LRRFIP2: variants seen among roughly 807,000 people sequenced by gnomAD.
The protein encoded by LRRFIP2 is LRR binding FLII interacting protein 2, also known as leucine-rich repeat flightless-interacting protein 2.
A neutral mutation model predicts 125.9 loss-of-function variants in LRRFIP2; 109 were observed. The observed-to-expected ratio is 0.87, with a 90% CI of 0.74 to 1.01. The LOEUF (loss-of-function observed/expected upper bound fraction) is 1.01. Ranked by LOEUF, LRRFIP2 falls within the 50% of genes least tolerant of loss-of-function variation. LRRFIP2 has a pLI of 0.00. For synonymous variants in LRRFIP2, 291 were observed against 293.1 expected (o/e 0.99, Z 0.07); for missense variants, 850 against 862.3 (o/e 0.99, Z 0.18).
intron 1 of LRRFIP2, among the ~76,000 whole-genome samples, chr3:37,156,673 CAAAAAAAAAAAAAAAAAAA>C (rs59647339): frequency 3.3e-5 from 1 of 30,566 alleles, no homozygotes; most frequent in Non-Finnish European, 4.9e-5. Flanking sequence ...GACTCAGTAT[CAAAAAAAAAAAAAAAAAAA>C]AAAAAAAAAA....
At chr3:37,136,965 T>C (rs9829754) in intron 2 of LRRFIP2, among the ~76,000 whole-genome samples, 1 of 2,978 alleles carries the variant, frequency 3.4e-4, no homozygotes, top group Non-Finnish European at 8.3e-4. Flanking sequence ...TTGGGGGGGG[T>C]GGGGGGGTGG....
At chr3:37,159,608 G>C (rs1397133115) in intron 1 of LRRFIP2, among the ~76,000 whole-genome samples, 2 of 151,986 alleles carry the variant, frequency 1.3e-5, no homozygotes, top group African/African-American at 4.8e-5. Flanking sequence ...CCTGACTCAA[G>C]CAATTCTCCT....
chr3:37,064,162 C>CA, intron 23 of LRRFIP2: 1 of 194,960 alleles, frequency 5.1e-6, no homozygotes. Context: ...CGGGAGAGAT[C>CA]CAAATATGTG....
chr3:37,058,934 C>G (rs1008659979), intron 24 of LRRFIP2, 24 bp from the exon 25 acceptor site: 3 of 1,612,396 alleles, frequency 1.9e-6, no homozygotes, highest in African/African-American at 1.3e-5. Flanking sequence ...AAAGGTTCAT[C>G]AGCAAGATCC....
At position 37,112,971 on chromosome 3, in the gene LRRFIP2, A is replaced by G; in HGVS notation, c.382T>C (p.Tyr128His). Residue 128 changes from tyrosine (Y) to histidine (H), a missense_variant, in exon 8 of 28, where the codon TAC becomes CAC. Physicochemically the swap from Tyr to His is moderately conservative, Grantham distance 83. Coordinates refer to ENST00000336686, the MANE Select transcript of LRRFIP2 (RefSeq NM_006309.4). ...TTCTTCATTCCATGAGAGTGACTGT[A>G]AGAATGATTCTGGAAGTAAATATTC... ...SSRLSSLNHS[Y>H]SHSHGMKKRS... The G allele has an allele frequency of 6.4e-7, 1 of 1,572,206 alleles. No individual in the cohort carries two copies. The highest frequency in any genetic ancestry group is 8.7e-7 in the Non-Finnish European group (1 of 1,147,732).
chr3:37,089,925 G>T (rs1330469829), intron 18 of LRRFIP2, among the ~76,000 whole-genome samples: 4 of 152,198 alleles, frequency 2.6e-5, no homozygotes, highest in Admixed American at 2.6e-4. Flanking sequence ...TAATTCTTCT[G>T]ATATTTACTG....
intron 24 of LRRFIP2, among the ~76,000 whole-genome samples, chr3:37,062,611 G>A (rs571839503): frequency 6.6e-6 from 1 of 152,234 alleles, no homozygotes; most frequent in East Asian, 1.9e-4. Context: ...AATCAGAAAA[G>A]ATCAGAACTC....
intron 1 of LRRFIP2, chr3:37,170,401 A>C (rs913829611): frequency 6.6e-6 from 1 of 152,256 alleles, no homozygotes; most frequent in Non-Finnish European, 1.5e-5. Flanking sequence ...TCATTCACTA[A>C]GTATAAACAA....
chr3:37,174,480 C>G (rs2096629217), intron 1 of LRRFIP2, 59 bp downstream of exon 1: 1 of 152,108 alleles, frequency 6.6e-6, no homozygotes, highest in South Asian at 2.1e-4. Flanking sequence ...ATGGGTGATG[C>G]TTTCCACTCA....
chr3:37,162,155 C>CAAAAAAAAA (rs71091697), intron 1 of LRRFIP2, among the ~76,000 whole-genome samples: 5 of 74,006 alleles, frequency 6.8e-5, no homozygotes, highest in East Asian at 4.4e-4. Context: ...GACCCTGTCT[C>CAAAAAAAAA]AAAAAAAAAA....
chr3:37,167,197 C>CA (rs570958652), intron 1 of LRRFIP2, among the ~76,000 whole-genome samples: 123 of 50,796 alleles, frequency 2.4e-3, no homozygotes, highest in East Asian at 0.011. Context: ...ATCTTGTCTC[C>CA]AAAAAAAAAA....
chr3:37,161,931 C>A (rs1042775471), intron 1 of LRRFIP2, among the ~76,000 whole-genome samples: 2 of 150,970 alleles, frequency 1.3e-5, no homozygotes, highest in Admixed American at 6.6e-5. Context: ...GTCTGTAATC[C>A]CAACATTTTG....
At chr3:37,108,776 G>C (rs1434117750) in intron 11 of LRRFIP2, 92 bp from the exon 12 acceptor site, 4 of 1,056,814 alleles carry the variant, frequency 3.8e-6, no homozygotes, top group Non-Finnish European at 5.8e-6. Flanking sequence ...TACCAAAAAA[G>C]TTTTGGAGAA....
At chr3:37,153,600 C>T (rs978399061) in intron 1 of LRRFIP2, among the ~76,000 whole-genome samples, 1 of 152,104 alleles carries the variant, frequency 6.6e-6, no homozygotes, top group African/African-American at 2.4e-5. Context: ...ACTAACAATG[C>T]CTATGCCTTA....
intron 2 of LRRFIP2, among the ~76,000 whole-genome samples, chr3:37,138,323 CCAAT>C (rs2095608565): frequency 6.6e-6 from 1 of 152,138 alleles, no homozygotes; most frequent in Non-Finnish European, 1.5e-5. Flanking sequence ...TCATGTGAGG[CCAAT>C]CAATCGTATT....
chr3:37,140,644 T>C (rs140902089), intron 2 of LRRFIP2, among the ~76,000 whole-genome samples: 3 of 149,874 alleles, frequency 2.0e-5, no homozygotes, highest in Admixed American at 1.3e-4. Context: ...CAGAATGAGA[T>C]TCTGTCTCCA....
chr3:37,098,459 C>T (rs1280511910), intron 15 of LRRFIP2, among the ~76,000 whole-genome samples: 1 of 151,212 alleles, frequency 6.6e-6, no homozygotes, highest in East Asian at 1.9e-4. Context: ...GCGATCTTGG[C>T]TCACTGCACC....
At chr3:37,122,375 C>T (rs2095093754) in intron 4 of LRRFIP2, among the ~76,000 whole-genome samples, 1 of 151,902 alleles carries the variant, frequency 6.6e-6, no homozygotes, top group African/African-American at 2.4e-5. Flanking sequence ...GTATGTCAGA[C>T]CACTTGGAAT....
intron 4 of LRRFIP2, among the ~76,000 whole-genome samples, chr3:37,122,186 C>T (rs746254034): frequency 1.1e-4 from 16 of 150,424 alleles, no homozygotes; most frequent in African/African-American, 2.4e-4. Flanking sequence ...TTTGTCCTTG[C>T]GACAGTTTGC....
Sources: gnomAD v4.1 joint callset for allele counts (sites outside exome capture counted in the v4.1 genomes callset) on GRCh38, gnomAD v4.1.1 for gene constraint, MANE v1.5 for transcripts, NCBI Gene and HGNC (gene_info 2026-07-23, HGNC 2026-07-21) for gene names.